PTPRN2: variants seen among roughly 807,000 people sequenced by gnomAD.
PTPRN2 encodes the protein receptor-type tyrosine-protein phosphatase N2.
A neutral mutation model predicts 118.8 loss-of-function variants in PTPRN2; 74 were observed. The ratio of observed to expected loss-of-function variants is 0.62; its 90% confidence interval spans 0.52 to 0.76. The LOEUF is 0.76. Among genes scored for constraint, PTPRN2 ranks in the 30% least tolerant of loss-of-function variants. PTPRN2 has a pLI of 0.00. For missense variants in PTPRN2, 1,481 were observed against 1,394.4 expected, an observed-to-expected ratio of 1.06 and a Z score of -0.99; for synonymous variants, 641 against 608.0, an observed-to-expected ratio of 1.05 and a Z score of -0.80.
At chr7:158,108,142 T>C (rs1815837260) in intron 10 of PTPRN2, among the ~76,000 whole-genome samples, 1 of 151,804 alleles carries the variant, frequency 6.6e-6, no homozygotes, top group Non-Finnish European at 1.5e-5. Context: ...CCTGAGTACG[T>C]GACCCTTTGC....
chr7:158,568,222 C>T (rs1412239178), intron 1 of PTPRN2, among the ~76,000 whole-genome samples: 2 of 152,154 alleles, frequency 1.3e-5, no homozygotes, highest in Non-Finnish European at 2.9e-5. Flanking sequence ...CACTGCACTC[C>T]AGCCTGGGCA....
chr7:157,678,496 C>T (rs538333667), intron 13 of PTPRN2, among the ~76,000 whole-genome samples: 102 of 152,340 alleles, frequency 6.7e-4, no homozygotes, highest in African/African-American at 2.3e-3. Flanking sequence ...CAGCTTTCTG[C>T]ACCGGGGGTA....
Position 157,598,494 on chromosome 7 carries a change from G to A in PTPRN2, c.2419-3179C>T, listed in dbSNP as rs1055763334. On this transcript the variant is annotated intron_variant, in intron 16 of 22. Coordinates refer to ENST00000389418, the MANE Select transcript of PTPRN2 (RefSeq NM_002847.5). The surrounding 1 kb of genome is among the most constrained non-coding windows in gnomAD (Gnocchi z 5.2). ...AGCTCAGGGAGTGAGGAGCTTGGACGTCGGCGTCTCCGGGCCTCAGTCTCC... is the reference window on the plus strand; with the variant it reads ...AGCTCAGGGAGTGAGGAGCTTGGACATCGGCGTCTCCGGGCCTCAGTCTCC... Among the ~76,000 whole-genome samples the A allele has an allele frequency of 6.8e-6, 1 of 146,096 alleles. No homozygotes were observed. The highest frequency in any genetic ancestry group is 1.5e-5 in the Non-Finnish European group (1 of 67,460).
At position 157,560,573 on chromosome 7, in the gene PTPRN2, A is replaced by T. The variant is rs981596316; in HGVS notation, c.2902+8329T>A. Among the ~76,000 whole-genome samples, 2 of 152,018 alleles carry T rather than the reference A, an allele frequency of 1.3e-5. No homozygotes were observed. The highest frequency in any genetic ancestry group is 2.4e-5 in the African/African-American group (1 of 41,370). The stretch of plus-strand genomic sequence containing the variant: ...GGACACCTCACGCCCCACATCCCTC[A>T]CTGTTTCTCTTGCACCAGAATAGCT... On this transcript the variant is annotated intron_variant, in intron 21 of 22. Coordinates refer to ENST00000389418, the MANE Select transcript of PTPRN2 (RefSeq NM_002847.5). The surrounding 1 kb of genome is among the most constrained non-coding windows in gnomAD (Gnocchi z 6.7).
In PTPRN2 at chr7:158,093,507, C is replaced by G. The variant is rs1814384475; in HGVS notation, c.1644-12130G>C. Among the ~76,000 whole-genome samples, 1 of 152,200 alleles carries G rather than the reference C, an allele frequency of 6.6e-6. No individual in the cohort carries two copies. The highest frequency in any genetic ancestry group is 2.4e-5 in the African/African-American group (1 of 41,442). ...TCTTGTTCCTTGTTCACTGGCGTCC[C>G]TCACTCTAGGCAAGCCCACAGCTTG... On this transcript the variant is annotated intron_variant, in intron 10 of 22. Coordinates refer to ENST00000389418, the MANE Select transcript of PTPRN2 (RefSeq NM_002847.5). This position sits in a 1 kb window ranked among gnomAD's most constrained non-coding sequence, Gnocchi z 4.4.
intron 2 of PTPRN2, among the ~76,000 whole-genome samples, chr7:158,466,537 T>C (rs1206865483): frequency 6.6e-6 from 1 of 152,218 alleles, no homozygotes; most frequent in Non-Finnish European, 1.5e-5. Context: ...ATAGTATCCA[T>C]TGTGTATGTA....
chr7:158,141,133 C>T (rs1338118661), intron 6 of PTPRN2, among the ~76,000 whole-genome samples: 1 of 152,198 alleles, frequency 6.6e-6, no homozygotes, highest in African/African-American at 2.4e-5. Context: ...ACCTTCTGCC[C>T]TAGAGGGATC....
At chr7:158,210,510 C>T (rs1356050252) in intron 3 of PTPRN2, among the ~76,000 whole-genome samples, 1 of 151,628 alleles carries the variant, frequency 6.6e-6, no homozygotes, top group Non-Finnish European at 1.5e-5. Flanking sequence ...ATGAAGAAAA[C>T]AATACAAAAG....
At chr7:158,008,188 G>GTA (rs1459230798) in intron 11 of PTPRN2, among the ~76,000 whole-genome samples, 2 of 151,954 alleles carry the variant, frequency 1.3e-5, no homozygotes, top group African/African-American at 4.8e-5. Flanking sequence ...CATTGCACGT[G>GTA]TATGTGTGTG....
At chr7:158,371,289 T>A (rs1425832949) in intron 2 of PTPRN2, among the ~76,000 whole-genome samples, 1 of 151,878 alleles carries the variant, frequency 6.6e-6, no homozygotes, top group Non-Finnish European at 1.5e-5. Flanking sequence ...AGGTGAATAG[T>A]TATCAGATCC....
At chr7:157,564,218 G>A (rs1475207224) in intron 21 of PTPRN2, among the ~76,000 whole-genome samples, 11 of 152,138 alleles carry the variant, frequency 7.2e-5, no homozygotes, top group Admixed American at 2.6e-4. Context: ...TGCAACCTCC[G>A]CCTCCCGGGT....
rs1293968067 is a variant in PTPRN2 at position 157,794,291 on chromosome 7, C to T, written c.1788+104382G>A. Among the ~76,000 whole-genome samples, 1 of 151,574 alleles carries T rather than the reference C, an allele frequency of 6.6e-6. No homozygotes were observed. Among genetic ancestry groups the T allele is most frequent in the Non-Finnish European group, 1.5e-5 (1 of 67,936 alleles). On this transcript the variant is annotated intron_variant, in intron 12 of 22. Transcript: ENST00000389418. The surrounding 1 kb of genome is among the most constrained non-coding windows in gnomAD (Gnocchi z 5.2). Reference sequence around the variant, plus strand: ...TCTCTGCTCCGACCCGGGCTCACACCTCCCCTCGTTCTCTGCTCTGACCCG... The same window carrying T: ...TCTCTGCTCCGACCCGGGCTCACACTTCCCCTCGTTCTCTGCTCTGACCCG...
intron 3 of PTPRN2, among the ~76,000 whole-genome samples, chr7:158,293,315 G>A (rs1800243537): frequency 6.6e-6 from 1 of 151,946 alleles, no homozygotes; most frequent in African/African-American, 2.4e-5. Flanking sequence ...GGTGACTCAC[G>A]CCTATAATCC....
intron 11 of PTPRN2, among the ~76,000 whole-genome samples, chr7:158,075,732 C>T (rs1004654633): frequency 7.2e-5 from 11 of 152,244 alleles, no homozygotes; most frequent in African/African-American, 2.4e-4. Flanking sequence ...GCATCTCCCT[C>T]GCCCACTCTG....
intron 9 of PTPRN2, among the ~76,000 whole-genome samples, chr7:158,131,141 T>C (rs201066141): frequency 3.9e-5 from 3 of 76,660 alleles, no homozygotes; most frequent in Admixed American, 2.7e-4. Context: ...CATACACACA[T>C]ACACACACAA....
chr7:157,726,637 G>T (rs1401493968), intron 12 of PTPRN2, among the ~76,000 whole-genome samples: 1 of 152,154 alleles, frequency 6.6e-6, no homozygotes. Flanking sequence ...AGGCACAAAA[G>T]AAAAAAATAG....
At chr7:157,917,329 G>A (rs1364067492) in intron 11 of PTPRN2, among the ~76,000 whole-genome samples, 1 of 152,234 alleles carries the variant, frequency 6.6e-6, no homozygotes, top group African/African-American at 2.4e-5. Flanking sequence ...CATTTGAAAG[G>A]CATTTTCTCC....
At chr7:157,975,071 T>G (rs1802639371) in intron 11 of PTPRN2, among the ~76,000 whole-genome samples, 1 of 152,040 alleles carries the variant, frequency 6.6e-6, no homozygotes, top group African/African-American at 2.4e-5. Flanking sequence ...GGACCCTGCC[T>G]CCATCAGCAG....
intron 9 of PTPRN2, among the ~76,000 whole-genome samples, chr7:158,115,629 T>G (rs553710045): frequency 6.6e-6 from 1 of 151,764 alleles, no homozygotes; most frequent in African/African-American, 2.4e-5. Flanking sequence ...TGTGAGAAAA[T>G]GCCATCTGCA....
Sources: allele counts gnomAD v4.1 joint callset (sites outside exome capture counted in the v4.1 genomes callset), GRCh38; gene constraint gnomAD v4.1.1; non-coding constraint Gnocchi (gnomAD v3.1); transcripts MANE v1.5; gene names NCBI Gene and HGNC (gene_info 2026-07-23, HGNC 2026-07-21).